The following ANK3 variants were observed in gnomAD, a reference collection of about 807,000 sequenced individuals.
The protein encoded by ANK3 is ankyrin-3.
A neutral mutation model predicts 370.9 loss-of-function variants in ANK3; 57 were observed. The ratio of observed to expected loss-of-function variants is 0.15; its 90% CI spans 0.12 to 0.19. The LOEUF is 0.19. ANK3 is among the 10% of genes least tolerant of loss of function. ANK3 has a pLI of 1.00. For missense variants in ANK3, 4,439 were observed against 5,302.1 expected (o/e 0.84, Z 5.06); for synonymous variants, 1,929 against 1,946.3 (o/e 0.99, Z 0.23).
At chr10:60,636,635 C>T (rs769123944) in intron 1 of ANK3, among the ~76,000 whole-genome samples, 4 of 152,204 alleles carry the variant, frequency 2.6e-5, no homozygotes, top group Non-Finnish European at 4.4e-5. Context: ...AAGACTGCTT[C>T]AGGCAGGGCT....
intron 25 of ANK3, among the ~76,000 whole-genome samples, chr10:60,127,678 C>G (rs774583301): frequency 1.3e-5 from 2 of 150,414 alleles, no homozygotes; most frequent in Non-Finnish European, 2.9e-5. Context: ...GCCTTCCATG[C>G]CATAATTTTT....
At chr10:60,301,040 CT>C (rs371279459) in intron 1 of ANK3, among the ~76,000 whole-genome samples, 52 of 150,814 alleles carry the variant, frequency 3.4e-4, no homozygotes, top group African/African-American at 1.3e-3. Context: ...TGATGATCAT[CT>C]TTTTAAAAAT....
In ANK3 at chr10:60,510,999, C is replaced by T. The variant is rs150456769; in HGVS notation, c.96+104187G>A. The stretch of plus-strand genomic sequence containing the variant: ...CTTTATAAGGAAAAAGTGATATATG[C>T]ATCTACAGAGTGAGAAAACATTTTT... On this transcript the variant is annotated intron_variant, in intron 2 of 43. Coordinates refer to the ANK3 transcript ENST00000373827. Among the ~76,000 whole-genome samples the T allele has an allele frequency of 8.0e-3, 1,215 of 152,144 alleles. 9 individuals are homozygous for T. The highest frequency in any genetic ancestry group is 0.011 in the Non-Finnish European group (721 of 67,980).
intron 42 of ANK3, chr10:60,053,712 C>T: frequency 7.7e-7 from 1 of 1,303,952 alleles, no homozygotes; most frequent in Non-Finnish European, 1.0e-6. Context: ...GTAGGAGCCG[C>T]ACCCGGACTT....
chr10:60,310,862 T>C (rs1340715943), intron 1 of ANK3, among the ~76,000 whole-genome samples: 1 of 152,108 alleles, frequency 6.6e-6, no homozygotes, highest in African/African-American at 2.4e-5. Context: ...ACTCTATAAA[T>C]CAAAAGGTCA....
intron 1 of ANK3, among the ~76,000 whole-genome samples, chr10:60,337,245 A>G (rs534467408): frequency 6.6e-6 from 1 of 152,252 alleles, no homozygotes; most frequent in Non-Finnish European, 1.5e-5. Context: ...CTAGTTCCCC[A>G]GCCCCATGAT....
At chr10:60,366,032 T>C (rs142679666) in intron 1 of ANK3, among the ~76,000 whole-genome samples, 1 of 152,240 alleles carries the variant, frequency 6.6e-6, no homozygotes, top group African/African-American at 2.4e-5. Context: ...AAAATACCTG[T>C]GTTTTAGGAC....
At chr10:60,360,379 T>C (rs1473610520) in intron 1 of ANK3, among the ~76,000 whole-genome samples, 1 of 152,228 alleles carries the variant, frequency 6.6e-6, no homozygotes, top group Non-Finnish European at 1.5e-5. Flanking sequence ...AAAGTTGGTA[T>C]GAAATATTTC....
intron 1 of ANK3, among the ~76,000 whole-genome samples, chr10:60,374,580 T>C (rs544796394): frequency 6.6e-6 from 1 of 152,282 alleles, no homozygotes; most frequent in African/African-American, 2.4e-5. Flanking sequence ...TAGTGGATTT[T>C]TGGAAAATGA....
At chr10:60,579,074 C>A (rs919219952) in intron 2 of ANK3, among the ~76,000 whole-genome samples, 1 of 151,914 alleles carries the variant, frequency 6.6e-6, no homozygotes, top group East Asian at 1.9e-4. Flanking sequence ...CGCCTGTAAT[C>A]CCAGCACTTT....
rs561525408 is a variant in ANK3, at chr10:60,068,802, C to T, written c.12079G>A (p.Asp4027Asn). The T allele has an allele frequency of 5.8e-5, 93 of 1,614,222 alleles. No homozygotes were observed. Among genetic ancestry groups the T allele is most frequent in the South Asian group, 9.9e-5 (9 of 91,084 alleles). The change falls in exon 37 of 44, where the codon GAT becomes AAT. Residue 4027 changes from aspartate (D) to asparagine (N), a missense_variant. Asp to Asn is a conservative substitution (Grantham distance 23, BLOSUM62 1). Coordinates refer to ENST00000280772, the MANE Select transcript of ANK3 (RefSeq NM_020987.5). Reference sequence around the variant, plus strand: ...TTTCTTGAGGTACTTTCTTCCTCATCGGACAACTCGGACTGCATCTTTTTT... The same window carrying T: ...TTTCTTGAGGTACTTTCTTCCTCATTGGACAACTCGGACTGCATCTTTTTT... ...EEKKMQSELS[D>N]EEESTSRNTS...
rs12268625 is a variant in ANK3, at chr10:60,502,203, A to C, written c.96+112983T>G. On this transcript the variant is annotated intron_variant, in intron 2 of 43. Transcript: ENST00000373827. Reference sequence around the variant, plus strand: ...GCCTAGGTACTAGAGCTACAGGGACAGTTCATGTAGTTACAGCCCCTGTAG... The same window carrying C: ...GCCTAGGTACTAGAGCTACAGGGACCGTTCATGTAGTTACAGCCCCTGTAG... 3.3e-3 allele frequency among the ~76,000 whole-genome samples: 507 copies of C among 152,324 alleles called. 4 individuals are homozygous for C. Among genetic ancestry groups the C allele is most frequent in the African/African-American group, 0.012 (492 of 41,580 alleles).
rs1304239031 is a variant in ANK3, at chr10:60,198,268, T to C, written c.1689+72A>G. 9 of 1,486,494 alleles carry C rather than the reference T, an allele frequency of 6.1e-6. No individual in the cohort carries two copies. In the African/African-American group the frequency reaches 8.3e-5, roughly 14 times the overall value. 92.1% of individuals were successfully genotyped at this position (1,486,494 alleles called of 1,614,324 possible). ...TGCTGTTGTGCAGCTTCTGGACCTG[T>C]TACTATGCGGGGAAACGTAAGGAAG... On this transcript the variant is annotated intron_variant, in intron 14 of 43. Transcript: ENST00000280772.
At chr10:60,495,070 A>G (rs2075619401) in intron 2 of ANK3, among the ~76,000 whole-genome samples, 1 of 150,802 alleles carries the variant, frequency 6.6e-6, no homozygotes, top group Non-Finnish European at 1.5e-5. Flanking sequence ...ATTCTTTTGT[A>G]AAAAAGAGAA....
chr10:60,112,439 A>G (rs2132107621), intron 26 of ANK3, among the ~76,000 whole-genome samples: 1 of 152,316 alleles, frequency 6.6e-6, no homozygotes, highest in South Asian at 2.1e-4. Flanking sequence ...TAAAATTATA[A>G]TAATTCAAGG....
At chr10:60,614,905 T>C (rs2078247787) in intron 2 of ANK3, among the ~76,000 whole-genome samples, 1 of 152,130 alleles carries the variant, frequency 6.6e-6, no homozygotes, top group South Asian at 2.1e-4. Flanking sequence ...AAGCCTCAAA[T>C]GCACAGCTGA....
intron 1 of ANK3, among the ~76,000 whole-genome samples, chr10:60,314,437 C>A (rs2046993801): frequency 6.6e-6 from 1 of 152,122 alleles, no homozygotes; most frequent in Admixed American, 6.5e-5. Flanking sequence ...ACCAAATTAA[C>A]CCTTAAAATA....
intron 2 of ANK3, among the ~76,000 whole-genome samples, chr10:60,415,368 C>CA (rs1322824535): frequency 1.3e-5 from 2 of 152,122 alleles, no homozygotes; most frequent in Non-Finnish European, 2.9e-5. Flanking sequence ...GGATCATCTG[C>CA]AAAACGTAAA....
chr10:60,545,462 A>T (rs1326809683), intron 2 of ANK3, among the ~76,000 whole-genome samples: 1 of 152,080 alleles, frequency 6.6e-6, no homozygotes, highest in Non-Finnish European at 1.5e-5. Context: ...ATAGTTCTAC[A>T]AATACTTCAT....
Sources: gnomAD v4.1 joint callset for allele counts (sites outside exome capture counted in the v4.1 genomes callset) on GRCh38, gnomAD v4.1.1 for gene constraint, MANE v1.5 for transcripts, NCBI Gene and HGNC (gene_info 2026-07-23, HGNC 2026-07-21) for gene names.